Variants in ZNF624 observed in about 807,000 individuals in gnomAD.
ZNF624 encodes the protein zinc finger protein 624.
In ZNF624, 43 loss-of-function variants were observed where a neutral mutation model predicts 74.7. The ratio of observed to expected loss-of-function variants is 0.58; its 90% CI spans 0.45 to 0.74. The LOEUF is 0.74. ZNF624 is among the 30% of genes least tolerant of loss of function. The pLI is 0.00. For synonymous variants in ZNF624, 331 were observed against 341.3 expected, an observed-to-expected ratio of 0.97 and a Z score of 0.33; for missense variants, 820 against 1,030.0, an observed-to-expected ratio of 0.80 and a Z score of 2.79.
downstream of ZNF624, chr17:16,617,660 A>G (rs1908818394): frequency 1.2e-6 from 2 of 1,605,626 alleles, no homozygotes; most frequent in Admixed American, 1.7e-5. Context: ...CGCGATTGCG[A>G]CGCGGGCCCC....
chr17:16,648,867 CCACT>C (rs1268228617), intron 2 of ZNF624, among the ~76,000 whole-genome samples: 4 of 152,136 alleles, frequency 2.6e-5, no homozygotes, highest in Non-Finnish European at 5.9e-5. Context: ...ACAAGCTCAC[CCACT>C]GTTCTCTGCC....
At chr17:16,629,191 C>A (rs1208654422) in intron 5 of ZNF624, among the ~76,000 whole-genome samples, 1 of 119,696 alleles carries the variant, frequency 8.4e-6, no homozygotes, top group Non-Finnish European at 1.6e-5. Context: ...GAGCGAGACT[C>A]CATCTCAAAA....
At chr17:16,631,280 G>A (rs8074464) in intron 5 of ZNF624, 1 of 151,876 alleles carries the variant, frequency 6.6e-6, no homozygotes, top group Non-Finnish European at 1.5e-5. Flanking sequence ...TAGAAAAGAA[G>A]AACAGCTGAA....
chr17:16,616,066 A>G (rs947178854), downstream of ZNF624, among the ~76,000 whole-genome samples: 5 of 149,498 alleles, frequency 3.3e-5, no homozygotes, highest in Admixed American at 6.7e-5. Context: ...AATAGCATTT[A>G]TACATCAAAA....
At position 16,623,020 on chromosome 17, in the gene ZNF624, G is replaced by A; in HGVS notation, c.1866C>T (p.Thr622=). ...YKCTDCERAF[T]KMVNLKEHQK... Reference sequence around the variant, plus strand: ...GATGCTCCTTGAGATTTACCATTTTGGTGAATGCCCTCTCGCAGTCAGTAC... The same window carrying A: ...GATGCTCCTTGAGATTTACCATTTTAGTGAATGCCCTCTCGCAGTCAGTAC... The change falls in exon 6 of 6, where the codon ACC becomes ACT. Residue 622 remains threonine, a synonymous_variant. Transcript: ENST00000311331. The surrounding 1 kb of genome is among the most constrained non-coding windows in gnomAD (Gnocchi z 5.3). 1.9e-6 allele frequency: 3 copies of A among 1,613,736 alleles called. No homozygotes were observed. The highest frequency in any genetic ancestry group is 2.5e-6 in the Non-Finnish European group (3 of 1,179,872).
At chr17:16,615,956 CATATATATATAT>C (rs56321425), downstream of ZNF624, among the ~76,000 whole-genome samples, 2,218 of 90,276 alleles carry the variant, frequency 0.025, 30 homozygotes, top group South Asian at 0.073. Context: ...ATTCCATATA[CATATATATATAT>C]ATATATATAT....
intron 3 of ZNF624, among the ~76,000 whole-genome samples, chr17:16,638,998 G>A (rs1909404858): frequency 6.6e-6 from 1 of 152,150 alleles, no homozygotes; most frequent in Admixed American, 6.5e-5. Flanking sequence ...TCACAATAAG[G>A]AAGGTGCTAT....
chr17:16,619,138 A>C (rs1344796153), downstream of ZNF624, among the ~76,000 whole-genome samples: 1 of 152,208 alleles, frequency 6.6e-6, no homozygotes, highest in Non-Finnish European at 1.5e-5. Context: ...AGAGAGAGGA[A>C]GATGGCCTTT....
intron 4 of ZNF624, among the ~76,000 whole-genome samples, chr17:16,634,231 T>G (rs1019836380): frequency 2.0e-5 from 3 of 152,348 alleles, no homozygotes; most frequent in East Asian, 1.9e-4. Context: ...TATTGTACAG[T>G]GATGTTTTAG....
chr17:16,622,087 T>C lies in ZNF624; in HGVS notation c.*201A>G, dbSNP rs1908928222. Reference sequence around the variant, plus strand: ...ATGAAATCTGGATGAACACTTTCATTTGTTCATTATTTTCCTCTAGTGAGA... The same window carrying C: ...ATGAAATCTGGATGAACACTTTCATCTGTTCATTATTTTCCTCTAGTGAGA... On this transcript the variant is annotated 3_prime_UTR_variant, in exon 6 of 6. Transcript: ENST00000311331. The C allele has an allele frequency of 2.5e-6, 1 of 392,234 alleles. No individual in the cohort carries two copies. Among genetic ancestry groups the C allele is most frequent in the Non-Finnish European group, 4.5e-6 (1 of 223,602 alleles). The allele number at this position is 392,234 out of a possible 1,614,324, so 24.3% of individuals were successfully genotyped here.
intron 3 of ZNF624, among the ~76,000 whole-genome samples, chr17:16,646,189 A>G (rs1909589891): frequency 6.6e-6 from 1 of 152,142 alleles, no homozygotes; most frequent in Non-Finnish European, 1.5e-5. Context: ...AAAATAAACC[A>G]TATGAATTGT....
At chr17:16,638,715 G>A (rs963484407) in intron 3 of ZNF624, among the ~76,000 whole-genome samples, 5 of 127,432 alleles carry the variant, frequency 3.9e-5, no homozygotes, top group Admixed American at 7.7e-5. Flanking sequence ...GACTGTTGTG[G>A]GGTTGGGGGA....
intron 3 of ZNF624, among the ~76,000 whole-genome samples, chr17:16,643,176 T>C (rs1018682196): frequency 6.6e-6 from 1 of 152,276 alleles, no homozygotes; most frequent in African/African-American, 2.4e-5. Context: ...CAACCCTAGG[T>C]ATATACCAAG....
chr17:16,625,864 AATTC>A (rs1362371428), intron 5 of ZNF624, among the ~76,000 whole-genome samples: 1 of 152,072 alleles, frequency 6.6e-6, no homozygotes, highest in African/African-American at 2.4e-5. Flanking sequence ...TAAAACTTGT[AATTC>A]ATTTTCAGGT....
chr17:16,616,985 G>C (rs1908804297), downstream of ZNF624: 1 of 1,602,924 alleles, frequency 6.2e-7, no homozygotes, highest in Non-Finnish European at 8.5e-7. Context: ...GAATTGGAAC[G>C]GGACTGGCTC....
rs193278007 is a variant in ZNF624 at position 16,626,863 on chromosome 17, C to T, written c.377-2354G>A. Among the ~76,000 whole-genome samples, 505 of 152,060 alleles carry T rather than the reference C, an allele frequency of 3.3e-3. 2 individuals are homozygous for T. The highest frequency in any genetic ancestry group is 5.7e-3 in the Non-Finnish European group (387 of 67,974). On this transcript the variant is annotated intron_variant, in intron 5 of 5. Transcript: ENST00000311331. Reference sequence around the variant, plus strand: ...CCTGACATCAGCAGTTCTAGACCAGCCTGGCCAACATGGTGAAACCCCGTC... The same window carrying T: ...CCTGACATCAGCAGTTCTAGACCAGTCTGGCCAACATGGTGAAACCCCGTC...
At chr17:16,638,012 A>G (rs1309950826) in intron 3 of ZNF624, among the ~76,000 whole-genome samples, 1 of 152,160 alleles carries the variant, frequency 6.6e-6, no homozygotes, top group Admixed American at 6.5e-5. Flanking sequence ...AACTCAAACA[A>G]ATTTACAAGA....
intron 3 of ZNF624, among the ~76,000 whole-genome samples, chr17:16,640,856 C>T (rs1355427746): frequency 6.6e-6 from 1 of 152,150 alleles, no homozygotes; most frequent in Non-Finnish European, 1.5e-5. Context: ...TCCAAACCCA[C>T]TTTATGAGAC....
chr17:16,625,808 G>C (rs1400573313), intron 5 of ZNF624, among the ~76,000 whole-genome samples: 1 of 151,970 alleles, frequency 6.6e-6, no homozygotes, highest in Non-Finnish European at 1.5e-5. Context: ...CAATGTGTTT[G>C]TGTATGCAAT....
Sources: allele counts gnomAD v4.1 joint callset (sites outside exome capture counted in the v4.1 genomes callset), GRCh38; gene constraint gnomAD v4.1.1; non-coding constraint Gnocchi (gnomAD v3.1); transcripts MANE v1.5; gene names NCBI Gene and HGNC (gene_info 2026-07-23, HGNC 2026-07-21).